The following CNTRL variants were observed in gnomAD, a reference collection of about 807,000 sequenced individuals.
The protein encoded by CNTRL is centriolin.
CNTRL carries 233 observed loss-of-function variants against 303.7 expected under a neutral mutation model. The ratio of observed to expected loss-of-function variants is 0.77; its 90% CI spans 0.69 to 0.86. The LOEUF (loss-of-function observed/expected upper bound fraction) is 0.86. Among genes scored for constraint, CNTRL ranks in the 40% least tolerant of loss-of-function variants. The pLI, the probability that CNTRL is intolerant of heterozygous loss-of-function variation, is 0.00. For synonymous variants in CNTRL, 900 were observed against 922.2 expected, an observed-to-expected ratio of 0.98 and a Z score of 0.44; for missense variants, 2,524 against 2,650.6, an observed-to-expected ratio of 0.95 and a Z score of 1.05.
intron 31 of CNTRL, among the ~76,000 whole-genome samples, 159 bp downstream of exon 31, chr9:121,159,178 C>G (rs551600491): frequency 6.6e-6 from 1 of 152,300 alleles, no homozygotes; most frequent in South Asian, 2.1e-4. Context: ...CATGCAGTGG[C>G]TGTCATGTGT....
chr9:121,101,812 A>G (rs1022190562), intron 7 of CNTRL, among the ~76,000 whole-genome samples: 1 of 152,214 alleles, frequency 6.6e-6, no homozygotes, highest in African/African-American at 2.4e-5. Context: ...AGAATTGGAT[A>G]AATTCCTGGA....
intron 1 of CNTRL, among the ~76,000 whole-genome samples, chr9:121,079,484 A>G (rs1012513420): frequency 6.6e-6 from 1 of 152,214 alleles, no homozygotes; most frequent in African/African-American, 2.4e-5. Flanking sequence ...CCTGGACAAC[A>G]TAGTGAAACG....
intron 5 of CNTRL, 33 bp from the exon 6 acceptor site, chr9:121,096,389 T>G (rs972880127): frequency 1.0e-5 from 14 of 1,400,396 alleles, no homozygotes; most frequent in Non-Finnish European, 1.3e-5. Flanking sequence ...ATAATTGTAC[T>G]CACTAAATTT....
chr9:121,176,615 G>T (rs1163088291), intron 43 of CNTRL, among the ~76,000 whole-genome samples: 1 of 152,178 alleles, frequency 6.6e-6, no homozygotes, highest in African/African-American at 2.4e-5. Context: ...CCAGCTCAAG[G>T]TGGCAGCCAG....
intron 27 of CNTRL, among the ~76,000 whole-genome samples, chr9:121,156,416 CA>C (rs766992762): frequency 6.6e-6 from 1 of 152,110 alleles, no homozygotes; most frequent in South Asian, 2.1e-4. Context: ...TAGAAGGAGA[CA>C]AAAAACTATT....
intron 24 of CNTRL, among the ~76,000 whole-genome samples, chr9:121,149,659 G>A (rs945943070): frequency 1.2e-4 from 18 of 151,972 alleles, no homozygotes; most frequent in African/African-American, 3.1e-4. Context: ...TGCCTGCCTC[G>A]GCCTCCCAAA....
chr9:121,090,436 A>T (rs760842261), intron 4 of CNTRL, 31 bp downstream of exon 4: 11 of 1,589,628 alleles, frequency 6.9e-6, no homozygotes, highest in Non-Finnish European at 9.4e-6. Flanking sequence ...GAGCATAGAT[A>T]CTGTTTTTAA....
intron 7 of CNTRL, among the ~76,000 whole-genome samples, chr9:121,099,881 C>T (rs557460931): frequency 6.6e-6 from 1 of 152,070 alleles, no homozygotes; most frequent in East Asian, 1.9e-4. Flanking sequence ...AAAAAATGAA[C>T]AAAGCCTCTA....
At chr9:121,108,092 G>A in intron 8 of CNTRL, 97 bp downstream of exon 8, 1 of 724,680 alleles carries the variant, frequency 1.4e-6, no homozygotes, top group South Asian at 2.5e-5. Context: ...CCATATAATG[G>A]GGAAGATGTG....
At chr9:121,131,420 T>C (rs1211836027) in intron 14 of CNTRL, among the ~76,000 whole-genome samples, 1 of 152,222 alleles carries the variant, frequency 6.6e-6, no homozygotes, top group African/African-American at 2.4e-5. Flanking sequence ...TTTGTTGGTT[T>C]AAAGTCTGTT....
chr9:121,145,552 G>T (rs1588250972), intron 22 of CNTRL, among the ~76,000 whole-genome samples, 167 bp downstream of exon 22: 1 of 152,168 alleles, frequency 6.6e-6, no homozygotes, highest in Admixed American at 6.5e-5. Context: ...AATTTTAAGA[G>T]TATTTTCTGT....
chr9:121,082,661 A>G (rs377330526), intron 2 of CNTRL, among the ~76,000 whole-genome samples: 1 of 152,100 alleles, frequency 6.6e-6, no homozygotes, highest in East Asian at 1.9e-4. Flanking sequence ...CACCATGGTA[A>G]ATATTTGTGC....
intron 34 of CNTRL, among the ~76,000 whole-genome samples, chr9:121,162,682 TTATTC>T (rs2052909418): frequency 1.3e-5 from 2 of 152,188 alleles, no homozygotes; most frequent in African/African-American, 4.8e-5. Context: ...TAGAATCGAA[TTATTC>T]TAAGACCTAG....
At chr9:121,138,177 G>A (rs927892223) in intron 15 of CNTRL, among the ~76,000 whole-genome samples, 7 of 152,182 alleles carry the variant, frequency 4.6e-5, no homozygotes, top group African/African-American at 1.7e-4. Flanking sequence ...CATACCTAGT[G>A]TTGATACAGT....
At position 121,141,484 on chromosome 9, in the gene CNTRL, G is replaced by C; in HGVS notation, c.2587G>C (p.Val863Leu). 1 of 1,614,094 alleles carries C rather than the reference G, an allele frequency of 6.2e-7. No individual in the cohort carries two copies. The highest frequency in any genetic ancestry group is 8.5e-7 in the Non-Finnish European group (1 of 1,179,996). Residue 863 changes from valine (V) to leucine (L), a missense_variant, in exon 18 of 44, where the codon GTT becomes CTT. Physicochemically the swap from Val to Leu is conservative, Grantham distance 32 (BLOSUM62 1). Transcript: ENST00000373855. ...CAAGTGGGAAAGAGATGAAGCACAA[G>C]TTAGAGAGAGAAAACTCCAAGAAGA... ...RSKWERDEAQ[V>L]RERKLQEEMA...
chr9:121,174,832 A>G (rs1362256488), intron 42 of CNTRL, among the ~76,000 whole-genome samples, 186 bp from the exon 43 acceptor site: 2 of 152,120 alleles, frequency 1.3e-5, no homozygotes, highest in African/African-American at 4.8e-5. Flanking sequence ...CAACACAGAA[A>G]AGTAAAGGTT....
chr9:121,083,234 T>TG (rs2048214797), intron 2 of CNTRL, among the ~76,000 whole-genome samples: 1 of 152,238 alleles, frequency 6.6e-6, no homozygotes, highest in Non-Finnish European at 1.5e-5. Context: ...CTTGCTGTAA[T>TG]GTTTTTACTT....
chr9:121,166,071 T>C (rs759741861), intron 35 of CNTRL, 36 bp from the exon 36 acceptor site: 7 of 1,455,308 alleles, frequency 4.8e-6, no homozygotes, highest in Non-Finnish European at 6.7e-6. Context: ...TAAATACGTA[T>C]GTATTTCTTA....
chr9:121,161,558 G>A, intron 32 of CNTRL: 1 of 355,054 alleles, frequency 2.8e-6, no homozygotes. Flanking sequence ...CTGTCAACCA[G>A]GCTAGTCTCA....
Sources: allele counts gnomAD v4.1 joint callset (sites outside exome capture counted in the v4.1 genomes callset), GRCh38; gene constraint gnomAD v4.1.1; transcripts MANE v1.5; gene names NCBI Gene and HGNC (gene_info 2026-07-23, HGNC 2026-07-21).